ITGB1BP1: variants seen among roughly 807,000 people sequenced by gnomAD.
ITGB1BP1 encodes integrin subunit beta 1 binding protein 1, also known as integrin beta-1-binding protein 1.
In ITGB1BP1, 20 loss-of-function variants were observed where a neutral mutation model predicts 28.0. That is an observed-to-expected ratio of 0.71 (90% CI 0.50 to 1.04). The LOEUF (loss-of-function observed/expected upper bound fraction) is 1.04. Among genes scored for constraint, ITGB1BP1 ranks in the 50% least tolerant of loss-of-function variants. The pLI, the probability that ITGB1BP1 is intolerant of heterozygous loss-of-function variation, is 0.00. For synonymous variants in ITGB1BP1, 103 were observed against 89.5 expected, an observed-to-expected ratio of 1.15 and a Z score of -0.85; for missense variants, 228 against 242.5, an observed-to-expected ratio of 0.94 and a Z score of 0.40.
Position 9,412,360 on chromosome 2 carries a change from T to G in ITGB1BP1, c.197A>C (p.Lys66Thr). 1 of 1,612,736 alleles carries G rather than the reference T, an allele frequency of 6.2e-7. No individual in the cohort carries two copies. The highest frequency in any genetic ancestry group is 8.5e-7 in the Non-Finnish European group (1 of 1,179,318). ...NSDTCAEFRI[K>T]YVGAIEKLKL... The stretch of plus-strand genomic sequence containing the variant: ...CAGTTTCTCAATGGCACCAACATAT[T>G]TTATTCGAAATTCTGCACAGGTATC... The change falls in exon 4 of 7, where the codon AAA becomes ACA. Residue 66 changes from lysine (K) to threonine (T), a missense_variant. Around this residue, in one of 2 missense-constraint regions of ITGB1BP1, gnomAD observed 192 missense variants for 181.6 expected, o/e 1.06. Transcript: ENST00000355346.
At chr2:9,418,776 C>CTTTTTTT in intron 1 of ITGB1BP1, 44 bp from the exon 2 acceptor site, 1 of 952,046 alleles carries the variant, frequency 1.1e-6, no homozygotes. Flanking sequence ...GGAAAAGCAA[C>CTTTTTTT]TTTTTTTTTT....
In ITGB1BP1 at chr2:9,412,402, T is replaced by C. The variant is rs772898370; in HGVS notation, c.155A>G (p.Gln52Arg). The C allele has an allele frequency of 6.2e-7, 1 of 1,601,688 alleles. No individual in the cohort carries two copies. The highest frequency in any genetic ancestry group is 1.1e-5 in the South Asian group (1 of 89,178). The part of the protein sequence containing the change: ...LDTDSTKSSG[Q>R]SNNNSDTCAE... ...ACAGGTATCTGAATTATTGTTGCTT[T>C]GTCCTGAAGATGAAAGAAAAGTGGT... Residue 52 changes from glutamine to arginine, a missense_variant, in exon 4 of 7, where the codon CAA becomes CGA. Around this residue, in one of 2 missense-constraint regions of ITGB1BP1, gnomAD observed 192 missense variants for 181.6 expected, o/e 1.06. Coordinates refer to ENST00000355346, the MANE Select transcript of ITGB1BP1 (RefSeq NM_004763.5).
chr2:9,418,735 G>GA lies in ITGB1BP1; in HGVS notation c.-35-4dup, dbSNP rs1247001918. 4 of 1,584,974 alleles carry GA rather than the reference G, an allele frequency of 2.5e-6. No homozygotes were observed. The highest frequency in any genetic ancestry group is 2.2e-5 in the South Asian group (2 of 89,118). ...TTGCTTGATCCAGAGAAGATCCCCT[G>GA]AAAAAACAAATATTGGTAACAGTTA... is the stretch of plus-strand genomic sequence containing the variant. On this transcript the variant is annotated splice_region_variant and splice_polypyrimidine_tract_variant and intron_variant, in intron 1 of 6. Transcript: ENST00000355346.
intron 1 of ITGB1BP1, among the ~76,000 whole-genome samples, chr2:9,421,377 G>A (rs1032055227): frequency 2.0e-5 from 3 of 152,166 alleles, no homozygotes; most frequent in African/African-American, 7.2e-5. Flanking sequence ...TTTGATGCAT[G>A]TTCTCAAGCA....
chr2:9,419,653 A>G (rs539804099), intron 1 of ITGB1BP1, among the ~76,000 whole-genome samples: 18 of 152,334 alleles, frequency 1.2e-4, no homozygotes, highest in East Asian at 1.9e-4. Context: ...TGCCAGTTGC[A>G]TAAGGACAGC....
intron 4 of ITGB1BP1, 142 bp downstream of exon 4, chr2:9,412,127 T>C: frequency 1.5e-6 from 1 of 675,104 alleles, no homozygotes; most frequent in Admixed American, 2.7e-5. Flanking sequence ...CACGCACATG[T>C]GCGGTGGTGA....
In ITGB1BP1 at chr2:9,412,265, T is replaced by TTA; in HGVS notation, c.288+2_288+3dup. The TTA allele has an allele frequency of 6.2e-7, 1 of 1,605,966 alleles. No individual in the cohort carries two copies. Among genetic ancestry groups the TTA allele is most frequent in the Non-Finnish European group, 8.5e-7 (1 of 1,177,974 alleles). ...CAGAGAGTTACGGAATTTTTTTTTT[T>TTA]TACCTGGGCAACGTCTATATAATTT... On this transcript the variant is annotated splice_donor_region_variant and intron_variant, in intron 4 of 6. Transcript: ENST00000355346.
At chr2:9,412,089 C>T (rs780217351) in intron 4 of ITGB1BP1, 180 bp downstream of exon 4, 37 of 564,508 alleles carry the variant, frequency 6.6e-5, no homozygotes, top group Non-Finnish European at 9.8e-5. Flanking sequence ...GGAGGAACAG[C>T]GCCTGTGTTC....
intron 6 of ITGB1BP1, 149 bp downstream of exon 6, chr2:9,407,300 G>A (rs75839501): frequency 5.2e-4 from 440 of 850,418 alleles, no homozygotes; most frequent in African/African-American, 2.1e-3. Flanking sequence ...CTTGCCAGCC[G>A]GCTGACCTCC....
chr2:9,420,842 TTC>T (rs1679744207), intron 1 of ITGB1BP1, among the ~76,000 whole-genome samples: 1 of 152,254 alleles, frequency 6.6e-6, no homozygotes, highest in Admixed American at 6.5e-5. Context: ...ATCAGGTGTC[TTC>T]TGTTTTTTAA....
Position 9,407,542 on chromosome 2 carries a change from G to C in ITGB1BP1, c.438C>G (p.Asp146Glu). 6.2e-7 allele frequency: 1 copy of C among 1,614,074 alleles called. No homozygotes were observed. Among genetic ancestry groups the C allele is most frequent in the East Asian group, 2.2e-5 (1 of 44,882 alleles). The change falls in exon 6 of 7, where the codon GAC becomes GAG. Residue 146 changes from aspartate to glutamate, a missense_variant. This residue lies in a region of ITGB1BP1 where 192 missense variants were observed against 181.6 expected (regional missense o/e 1.06). Transcript: ENST00000355346. ...GTAAGCTTTTTCCCGCCCCCAGACCGTCATCGTAACACACCATCCGGATTA... is the reference window on the plus strand; with the variant it reads ...GTAAGCTTTTTCCCGCCCCCAGACCCTCATCGTAACACACCATCCGGATTA... Reference protein sequence around the residue: ...YLIIRMVCYDDGLGAGKSLLA... With the variant: ...YLIIRMVCYDEGLGAGKSLLA...
chr2:9,418,493 G>A (rs1470540575), intron 2 of ITGB1BP1, 133 bp downstream of exon 2: 4 of 716,908 alleles, frequency 5.6e-6, no homozygotes, highest in Non-Finnish European at 1.0e-5. Context: ...AGTGCAAAAA[G>A]TAAATGTTAA....
intron 6 of ITGB1BP1, 148 bp downstream of exon 6, chr2:9,407,301 G>T: frequency 1.2e-6 from 1 of 859,200 alleles, no homozygotes. Flanking sequence ...TTGCCAGCCG[G>T]CTGACCTCCG....
Position 9,418,730 on chromosome 2 carries a change from C to T in ITGB1BP1, c.-33G>A, listed in dbSNP as rs372616266. 7 of 1,608,846 alleles carry T rather than the reference C, an allele frequency of 4.4e-6. No homozygotes were observed. The highest frequency in any genetic ancestry group is 2.7e-5 in the African/African-American group (2 of 74,612). ...CACCATTGCTTGATCCAGAGAAGAT[C>T]CCCTGAAAAAACAAATATTGGTAAC... On this transcript the variant is annotated splice_region_variant and 5_prime_UTR_variant, in exon 2 of 7. Transcript: ENST00000355346.
chr2:9,410,426 G>C (rs1572694708), intron 4 of ITGB1BP1, among the ~76,000 whole-genome samples: 2 of 151,644 alleles, frequency 1.3e-5, no homozygotes, highest in South Asian at 4.2e-4. Flanking sequence ...TAGAGATGGG[G>C]GTCTTGCCCA....
chr2:9,415,078 T>A lies in ITGB1BP1; in HGVS notation c.73-822A>T, dbSNP rs1242395587. On this transcript the variant is annotated intron_variant, in intron 2 of 6. Coordinates refer to ENST00000355346, the MANE Select transcript of ITGB1BP1 (RefSeq NM_004763.5). This position sits in a 1 kb window ranked among gnomAD's most constrained non-coding sequence, Gnocchi z 4.1. Reference sequence around the variant, plus strand: ...GGCCAACATGGTGAAACCCCGTCTCTACTTAAAAAAAAAAATATGGCTGGG... The same window carrying A: ...GGCCAACATGGTGAAACCCCGTCTCAACTTAAAAAAAAAAATATGGCTGGG... 6.6e-6 allele frequency among the ~76,000 whole-genome samples: 1 copy of A among 151,748 alleles called. No individual in the cohort carries two copies. The highest frequency in any genetic ancestry group is 1.5e-5 in the Non-Finnish European group (1 of 67,936).
At chr2:9,412,947 CAT>C (rs1249174158) in intron 3 of ITGB1BP1, among the ~76,000 whole-genome samples, 3 of 152,182 alleles carry the variant, frequency 2.0e-5, no homozygotes, top group Admixed American at 6.5e-5. Context: ...AGAAAGACCA[CAT>C]AGTTTGTCTT....
intron 4 of ITGB1BP1, among the ~76,000 whole-genome samples, chr2:9,409,302 A>G (rs900347919): frequency 2.0e-4 from 30 of 152,350 alleles, no homozygotes; most frequent in Admixed American, 3.3e-4. Context: ...CTGCATCCCA[A>G]TACCTTACTT....
intron 1 of ITGB1BP1, 153 bp downstream of exon 1, chr2:9,423,220 C>T (rs984481111): frequency 2.7e-6 from 3 of 1,099,388 alleles, no homozygotes; most frequent in South Asian, 1.8e-5. Flanking sequence ...GAGCGCGGCC[C>T]CGCCCGGAAC....
Sources: gnomAD v4.1 joint callset for allele counts (sites outside exome capture counted in the v4.1 genomes callset) on GRCh38, gnomAD v4.1.1 for gene constraint, gnomAD v4.1.1 regional missense constraint, Gnocchi (gnomAD v3.1) non-coding constraint, MANE v1.5 for transcripts, NCBI Gene and HGNC (gene_info 2026-07-23, HGNC 2026-07-21) for gene names.